Variants in CHL1 observed in about 807,000 individuals in gnomAD.
CHL1 encodes the protein neural cell adhesion molecule L1-like protein.
CHL1 carries 96 observed loss-of-function variants against 141.9 expected under a neutral mutation model. That is an observed-to-expected ratio of 0.68 (90% CI 0.57 to 0.80). The LOEUF (loss-of-function observed/expected upper bound fraction) is 0.80. Among genes scored for constraint, CHL1 ranks in the 30% least tolerant of loss-of-function variants. The probability of loss-of-function intolerance (pLI) is 0.00; values close to 1 mark genes in which losing one functional copy is unlikely to be tolerated. For synonymous variants in CHL1, 613 were observed against 502.2 expected (o/e 1.22, Z -2.95); for missense variants, 1,820 against 1,457.2 (o/e 1.25, Z -4.05).
At chr3:270,756 T>C (rs763576030) in intron 2 of CHL1, among the ~76,000 whole-genome samples, 2 of 152,256 alleles carry the variant, frequency 1.3e-5, no homozygotes, top group Non-Finnish European at 2.9e-5. Context: ...TGCAGTTATA[T>C]GAAGGTTCAC....
In CHL1 at chr3:399,016, G is replaced by C. The variant is rs1708902509; in HGVS notation, c.3254-1G>C. 6.2e-7 allele frequency: 1 copy of C among 1,613,158 alleles called. No individual in the cohort carries two copies. The highest frequency in any genetic ancestry group is 2.2e-5 in the East Asian group (1 of 44,836). On this transcript the variant is annotated splice_acceptor_variant, in intron 25 of 27. Coordinates refer to ENST00000256509, the MANE Select transcript of CHL1 (RefSeq NM_006614.4). LOFTEE classifies it high-confidence loss of function. ...TGCTGTGACTTCTCTTTCTACCACAGAATATGCTGGTTTATATGATGACAT... is the reference window on the plus strand; with the variant it reads ...TGCTGTGACTTCTCTTTCTACCACACAATATGCTGGTTTATATGATGACAT...
intron 27 of CHL1, among the ~76,000 whole-genome samples, chr3:403,239 T>C (rs772114984): frequency 1.4e-4 from 21 of 152,192 alleles, no homozygotes; most frequent in Non-Finnish European, 2.8e-4. Context: ...CTTCAGAATG[T>C]GTGAGCCAGG....
At chr3:211,189 G>A (rs1231815571) in intron 1 of CHL1, among the ~76,000 whole-genome samples, 8 of 152,206 alleles carry the variant, frequency 5.3e-5, no homozygotes, top group Admixed American at 5.2e-4. Flanking sequence ...AAGAGCTCCT[G>A]CATTTCCTTC....
At chr3:238,637 T>C (rs534532960) in intron 1 of CHL1, among the ~76,000 whole-genome samples, 2 of 152,070 alleles carry the variant, frequency 1.3e-5, no homozygotes, top group South Asian at 4.2e-4. Context: ...AAAGAAACCC[T>C]TTTCTGGCCA....
At chr3:296,619 C>T (rs968651430) in intron 2 of CHL1, among the ~76,000 whole-genome samples, 3 of 152,126 alleles carry the variant, frequency 2.0e-5, no homozygotes, top group East Asian at 1.9e-4. Context: ...ACATTTTGGA[C>T]TCATTGCAGC....
rs537022093 is a variant in CHL1 at position 405,824 on chromosome 3, C to G, written c.*113C>G. On this transcript the variant is annotated 3_prime_UTR_variant, in exon 28 of 28. Transcript: ENST00000256509. Reference sequence around the variant, plus strand: ...GAAACATGCTGGCCGAAGATTTCATCCAGAAGTCAACATCCTGCAATTATG... The same window carrying G: ...GAAACATGCTGGCCGAAGATTTCATGCAGAAGTCAACATCCTGCAATTATG... 34 of 724,456 alleles carry G rather than the reference C, an allele frequency of 4.7e-5. 1 individual carries two copies. The highest frequency in any genetic ancestry group is 4.3e-4 in the Admixed American group (16 of 37,602). 44.9% of individuals were successfully genotyped at this position (724,456 alleles called of 1,614,324 possible).
At chr3:378,219 T>C (rs1416733383) in intron 16 of CHL1, among the ~76,000 whole-genome samples, 5 of 152,184 alleles carry the variant, frequency 3.3e-5, no homozygotes, top group African/African-American at 9.7e-5. Context: ...TAAAGCACGC[T>C]TGAGTTCCTA....
At chr3:393,467 A>T (rs1042431203) in intron 23 of CHL1, among the ~76,000 whole-genome samples, 5 of 152,090 alleles carry the variant, frequency 3.3e-5, no homozygotes, top group African/African-American at 1.2e-4. Flanking sequence ...TCCGTATGTG[A>T]CATTTACGTT....
At chr3:277,586 G>A (rs1696260010) in intron 2 of CHL1, among the ~76,000 whole-genome samples, 1 of 151,960 alleles carries the variant, frequency 6.6e-6, no homozygotes, top group South Asian at 2.1e-4. Context: ...CACTGTACTT[G>A]GGATTTATTT....
At chr3:282,846 A>G (rs144631243) in intron 2 of CHL1, 1 of 152,240 alleles carries the variant, frequency 6.6e-6, no homozygotes, top group African/African-American at 2.4e-5. Flanking sequence ...GGAACTTACT[A>G]TTTCTCTCCA....
chr3:296,434 C>CT (rs5845962), intron 2 of CHL1, among the ~76,000 whole-genome samples: 94,748 of 151,564 alleles, frequency 0.63, 31,954 homozygotes, highest in African/African-American at 0.89. Flanking sequence ...TTCTCTCATG[C>CT]TTTTTTTTCT....
At chr3:405,161 A>T (rs1473570860) in intron 27 of CHL1, among the ~76,000 whole-genome samples, 1 of 152,166 alleles carries the variant, frequency 6.6e-6, no homozygotes, top group East Asian at 1.9e-4. Context: ...GGACACAGAT[A>T]TTCAGACCAT....
chr3:350,280 G>A (rs1703130944), intron 10 of CHL1, among the ~76,000 whole-genome samples: 1 of 152,204 alleles, frequency 6.6e-6, no homozygotes, highest in South Asian at 2.1e-4. Context: ...AATGTGGAAT[G>A]TAGTTATTAG....
At position 344,638 on chromosome 3, in the gene CHL1, G is replaced by A. The variant is rs753902152; in HGVS notation, c.777G>A (p.Glu259=). The part of the protein sequence containing the change: ...RKPKLLLPPT[E]SGSESSITIL... ...CCAAACTGCTGTTGCCTCCCACTGA[G>A]AGTGGCAGTGAGTCTTCAATTACCA... Residue 259 remains glutamate (E), a synonymous_variant, in exon 9 of 28, where the codon GAG becomes GAA. Coordinates refer to ENST00000256509, the MANE Select transcript of CHL1 (RefSeq NM_006614.4). 13 of 1,612,990 alleles carry A rather than the reference G, an allele frequency of 8.1e-6. No individual in the cohort carries two copies. Among genetic ancestry groups the A allele is most frequent in the Non-Finnish European group, 1.1e-5 (13 of 1,179,106 alleles).
intron 1 of CHL1, among the ~76,000 whole-genome samples, chr3:201,140 T>C (rs534436897): frequency 6.6e-6 from 1 of 152,210 alleles, no homozygotes; most frequent in African/African-American, 2.4e-5. Flanking sequence ...GGAAGCTCAA[T>C]GAATGAGTTG....
chr3:292,713 G>C (rs886749020), intron 2 of CHL1, among the ~76,000 whole-genome samples: 8 of 152,198 alleles, frequency 5.3e-5, no homozygotes, highest in Non-Finnish European at 7.4e-5. Context: ...GAAGCCACAG[G>C]GAGCTTTTAC....
chr3:334,914 T>C (rs904668829), intron 5 of CHL1, among the ~76,000 whole-genome samples: 6 of 152,230 alleles, frequency 3.9e-5, no homozygotes, highest in Admixed American at 2.0e-4. Flanking sequence ...ATTTCATTGA[T>C]TTATTGGTTG....
At chr3:287,771 T>C (rs2125324940) in intron 2 of CHL1, among the ~76,000 whole-genome samples, 1 of 145,968 alleles carries the variant, frequency 6.9e-6, no homozygotes, top group African/African-American at 2.7e-5. Context: ...TGTCTTTTTT[T>C]GTTTTTTTTT....
intron 2 of CHL1, among the ~76,000 whole-genome samples, chr3:274,397 G>A (rs1695904618): frequency 6.6e-6 from 1 of 152,112 alleles, no homozygotes; most frequent in Non-Finnish European, 1.5e-5. Context: ...TGCCTAAGTT[G>A]AACCATGCTC....
Sources: allele counts gnomAD v4.1 joint callset (sites outside exome capture counted in the v4.1 genomes callset), GRCh38; gene constraint gnomAD v4.1.1; transcripts MANE v1.5; gene names NCBI Gene and HGNC (gene_info 2026-07-23, HGNC 2026-07-21).